The following CERS3 variants were observed in gnomAD, a reference collection of about 807,000 sequenced individuals.
CERS3 encodes the protein ceramide synthase 3.
In CERS3, 33 loss-of-function variants were observed where a neutral mutation model predicts 50.3. That is an observed-to-expected ratio of 0.66 (90% CI 0.50 to 0.88). The LOEUF (loss-of-function observed/expected upper bound fraction) is 0.88. CERS3 is among the 40% of genes least tolerant of loss of function. The probability of loss-of-function intolerance (pLI) is 0.00; values close to 1 mark genes in which losing one functional copy is unlikely to be tolerated. For missense variants in CERS3, 470 were observed against 460.3 expected (o/e 1.02, Z -0.19); for synonymous variants, 176 against 155.2 (o/e 1.13, Z -0.99).
chr15:100,450,156 CACTCCTGT>C (rs1180831252), intron 11 of CERS3, among the ~76,000 whole-genome samples: 1 of 152,062 alleles, frequency 6.6e-6, no homozygotes, highest in Non-Finnish European at 1.5e-5. Flanking sequence ...TGTGGTGGCT[CACTCCTGT>C]AATCCCAGCA....
At chr15:100,541,479 A>T (rs1341337972) in intron 1 of CERS3, among the ~76,000 whole-genome samples, 1 of 152,232 alleles carries the variant, frequency 6.6e-6, no homozygotes, top group African/African-American at 2.4e-5. Flanking sequence ...CTTAAAAAAA[A>T]AAAGTGTTCC....
At chr15:100,458,251 C>T (rs1429665853) in intron 10 of CERS3, among the ~76,000 whole-genome samples, 1 of 152,136 alleles carries the variant, frequency 6.6e-6, no homozygotes, top group Non-Finnish European at 1.5e-5. Flanking sequence ...CTTAGTAGCT[C>T]TATTTCTTCT....
intron 11 of CERS3, among the ~76,000 whole-genome samples, chr15:100,449,463 G>A (rs1046275174): frequency 1.1e-4 from 17 of 152,136 alleles, no homozygotes; most frequent in South Asian, 2.1e-4. Context: ...GAATCAGCCC[G>A]CCTGGAGCTG....
chr15:100,518,134 T>C (rs2036542761), intron 2 of CERS3, among the ~76,000 whole-genome samples: 1 of 152,208 alleles, frequency 6.6e-6, no homozygotes, highest in Non-Finnish European at 1.5e-5. Flanking sequence ...GCTAGTCTTT[T>C]CTGTCTAGCC....
intron 1 of CERS3, among the ~76,000 whole-genome samples, chr15:100,526,765 T>C (rs2036806861): frequency 6.6e-6 from 1 of 151,944 alleles, no homozygotes; most frequent in African/African-American, 2.4e-5. Flanking sequence ...GGCAGGGACT[T>C]GTCTGCTTTG....
intron 11 of CERS3, among the ~76,000 whole-genome samples, chr15:100,404,444 A>G (rs979147902): frequency 1.3e-5 from 2 of 152,214 alleles, no homozygotes; most frequent in Non-Finnish European, 2.9e-5. Flanking sequence ...ATTCAGAGAG[A>G]AATCTGAAAT....
intron 11 of CERS3, among the ~76,000 whole-genome samples, chr15:100,415,174 GTTCAACATCACTGATCA>G (rs1456517002): frequency 3.3e-5 from 5 of 152,160 alleles, no homozygotes; most frequent in African/African-American, 1.2e-4. Context: ...ATGAGAAAAA[GTTCAACATCACTGATCA>G]TTAGAGAACT....
intron 10 of CERS3, among the ~76,000 whole-genome samples, chr15:100,462,525 A>G (rs998057697): frequency 3.9e-5 from 6 of 152,310 alleles, no homozygotes; most frequent in Non-Finnish European, 7.4e-5. Context: ...TAAGTTTCTA[A>G]ATGACTGGGT....
chr15:100,508,181 G>C (rs113009600), intron 2 of CERS3, among the ~76,000 whole-genome samples: 21 of 378 alleles, frequency 0.056, no homozygotes, highest in African/African-American at 0.083. Flanking sequence ...GTTTCTCCCC[G>C]TTTAGCCTCT....
intron 10 of CERS3, among the ~76,000 whole-genome samples, chr15:100,464,504 A>G (rs1218519228): frequency 2.0e-5 from 3 of 152,326 alleles, no homozygotes; most frequent in Non-Finnish European, 1.5e-5. Flanking sequence ...AAAACAGGGC[A>G]CACACACCTT....
chr15:100,448,124 A>G (rs542625505), intron 11 of CERS3, among the ~76,000 whole-genome samples: 13 of 152,320 alleles, frequency 8.5e-5, no homozygotes, highest in African/African-American at 3.1e-4. Flanking sequence ...GTATTATTCA[A>G]TTATCATCAT....
At chr15:100,503,633 A>G in intron 2 of CERS3, 1 of 466,814 alleles carries the variant, frequency 2.1e-6, no homozygotes, top group South Asian at 1.6e-5. Flanking sequence ...ACACAGCTCT[A>G]CCAAGCCCAA....
intron 3 of CERS3, among the ~76,000 whole-genome samples, chr15:100,495,037 A>T (rs2035768498): frequency 6.6e-6 from 1 of 152,240 alleles, no homozygotes; most frequent in Non-Finnish European, 1.5e-5. Context: ...TTTTAGACAA[A>T]CACCCTCAGG....
intron 1 of CERS3, among the ~76,000 whole-genome samples, chr15:100,522,908 G>A (rs2036679608): frequency 6.6e-6 from 1 of 152,238 alleles, no homozygotes; most frequent in Non-Finnish European, 1.5e-5. Flanking sequence ...TTGCTGAACA[G>A]TTTTTCAAAG....
chr15:100,457,746 C>T (rs1023093156), intron 10 of CERS3, among the ~76,000 whole-genome samples: 5 of 152,182 alleles, frequency 3.3e-5, no homozygotes, highest in African/African-American at 1.2e-4. Context: ...AACTGAAAAA[C>T]TATTTTCCAG....
chr15:100,405,258 AC>A (rs77853987), intron 11 of CERS3, among the ~76,000 whole-genome samples: 109 of 142,902 alleles, frequency 7.6e-4, no homozygotes, highest in African/African-American at 2.7e-3. Flanking sequence ...ACAAAAAAAA[AC>A]CCCTAATTTA....
intron 11 of CERS3, among the ~76,000 whole-genome samples, chr15:100,413,967 G>GA (rs2031697823): frequency 6.6e-6 from 1 of 151,964 alleles, no homozygotes; most frequent in African/African-American, 2.4e-5. Context: ...CTGCCAACCA[G>GA]AAAAATACCT....
chr15:100,495,275 G>T (rs1040938704), intron 3 of CERS3, among the ~76,000 whole-genome samples: 1 of 152,216 alleles, frequency 6.6e-6, no homozygotes, highest in Non-Finnish European at 1.5e-5. Flanking sequence ...GATGGAGAGG[G>T]CAAGATGGGA....
intron 11 of CERS3, among the ~76,000 whole-genome samples, chr15:100,416,374 C>T (rs8042315): frequency 0.51 from 78,116 of 151,928 alleles, 20,667 homozygotes; most frequent in Middle Eastern, 0.59. Context: ...CAAAAACAAG[C>T]GATGGGGAGC....
Sources: gnomAD v4.1 joint callset for allele counts (sites outside exome capture counted in the v4.1 genomes callset) on GRCh38, gnomAD v4.1.1 for gene constraint, MANE v1.5 for transcripts, NCBI Gene and HGNC (gene_info 2026-07-23, HGNC 2026-07-21) for gene names.